Variants in LYPD5 observed in about 807,000 individuals in gnomAD.
LYPD5 encodes ly6/PLAUR domain-containing protein 5.
In LYPD5, 21 loss-of-function variants were observed where a neutral mutation model predicts 19.1. The observed-to-expected ratio is 1.10, with a 90% CI of 0.78 to 1.58. The LOEUF (loss-of-function observed/expected upper bound fraction) is 1.58. Among genes scored for constraint, LYPD5 ranks in the 40% most tolerant of loss-of-function variants. LYPD5 has a pLI of 0.00. For missense variants in LYPD5, 287 were observed against 329.8 expected (o/e 0.87, Z 1.00); for synonymous variants, 128 against 142.7 (o/e 0.90, Z 0.74).
upstream of LYPD5, among the ~76,000 whole-genome samples, chr19:43,806,080 G>A (rs10416708): frequency 0.035 from 5,264 of 152,090 alleles, 278 homozygotes; most frequent in African/African-American, 0.12. Context: ...CCCAACCCCC[G>A]GGGCCTGGTA....
intron 1 of LYPD5, among the ~76,000 whole-genome samples, chr19:43,815,407 C>G (rs1264316434): frequency 6.6e-6 from 1 of 151,362 alleles, no homozygotes; most frequent in Admixed American, 6.6e-5. Context: ...GACCCCGTCT[C>G]CACAAAAAAT....
chr19:43,804,391 CATT>C (rs879710284), upstream of LYPD5, among the ~76,000 whole-genome samples: 34,434 of 151,298 alleles, frequency 0.23, 4,485 homozygotes, highest in East Asian at 0.47. Flanking sequence ...GGACACATCC[CATT>C]GACAGAATAA....
intron 1 of LYPD5, among the ~76,000 whole-genome samples, chr19:43,819,686 G>T (rs1041016006): frequency 6.6e-6 from 1 of 152,104 alleles, no homozygotes; most frequent in Non-Finnish European, 1.5e-5. Context: ...AGTTTGAGGG[G>T]AGGTACACAG....
At chr19:43,803,822 C>A (rs935564257), upstream of LYPD5, among the ~76,000 whole-genome samples, 1 of 152,096 alleles carries the variant, frequency 6.6e-6, no homozygotes, top group African/African-American at 2.4e-5. Context: ...AATTCTTTCT[C>A]TGCTCCCCCC....
chr19:43,804,455 A>G (rs767325313), upstream of LYPD5, among the ~76,000 whole-genome samples: 35 of 151,946 alleles, frequency 2.3e-4, no homozygotes, highest in Non-Finnish European at 4.7e-4. Context: ...TTGTCCTCCA[A>G]TATTTTTCCA....
intron 1 of LYPD5, among the ~76,000 whole-genome samples, chr19:43,800,229 T>C (rs1970205061): frequency 6.6e-6 from 1 of 152,086 alleles, no homozygotes; most frequent in African/African-American, 2.4e-5. Context: ...CCAGGACAGG[T>C]AGAGTGAAGT....
At position 43,798,567 on chromosome 19, in the gene LYPD5, G is replaced by C. The variant is rs757851608; in HGVS notation, c.405C>G (p.Cys135Trp). The change falls in exon 4 of 5, where the codon TGC (cysteine) becomes TGG (tryptophan). Residue 135 changes from cysteine to tryptophan, a missense_variant. By Grantham distance (215) the Cys-to-Trp change is radical (BLOSUM62 -2). Coordinates refer to ENST00000377950, the MANE Select transcript of LYPD5 (RefSeq NM_001031749.3). The part of the protein sequence containing the change: ...PDPPTLSGAE[C>W]YACIGVHQDD... Reference sequence around the variant, plus strand: ...CCTGGTGGACCCCGATACAGGCGTAGCACTCGGCGCCGCTGAGCGTCGGCG... The same window carrying C: ...CCTGGTGGACCCCGATACAGGCGTACCACTCGGCGCCGCTGAGCGTCGGCG... 1 of 1,611,386 alleles carries C rather than the reference G, an allele frequency of 6.2e-7. No homozygotes were observed. The highest frequency in any genetic ancestry group is 8.5e-7 in the Non-Finnish European group (1 of 1,180,042).
intron 1 of LYPD5, among the ~76,000 whole-genome samples, chr19:43,809,457 T>G (rs1970300783): frequency 6.6e-6 from 1 of 152,158 alleles, no homozygotes; most frequent in South Asian, 2.1e-4. Flanking sequence ...CTTGGCTCAC[T>G]GCAACCTTCG....
At chr19:43,798,682 C>A in intron 3 of LYPD5, 81 bp from the exon 4 acceptor site, 2 of 1,590,356 alleles carry the variant, frequency 1.3e-6, no homozygotes, top group Non-Finnish European at 1.7e-6. Flanking sequence ...CCAGAGCCCG[C>A]GCCTAGCACG....
chr19:43,799,798 G>A lies in LYPD5; in HGVS notation c.101C>T (p.Thr34Ile). The change falls in exon 2 of 5, where the codon ACC (threonine) becomes ATC (isoleucine). Residue 34 changes from threonine to isoleucine, a missense_variant. Coordinates refer to ENST00000377950, the MANE Select transcript of LYPD5 (RefSeq NM_001031749.3). Reference sequence around the variant, plus strand: ...CCTGAGGTCAAAGGGGCCAAAGTAGGTGTGCTCAAAGCTGTAGCACTGCAG... The same window carrying A: ...CCTGAGGTCAAAGGGGCCAAAGTAGATGTGCTCAAAGCTGTAGCACTGCAG... Reference protein sequence around the residue: ...QALQCYSFEHTYFGPFDLRAM... With the variant: ...QALQCYSFEHIYFGPFDLRAM... The A allele has an allele frequency of 6.2e-7, 1 of 1,613,740 alleles. No individual in the cohort carries two copies. Among genetic ancestry groups the A allele is most frequent in the Non-Finnish European group, 8.5e-7 (1 of 1,179,862 alleles).
chr19:43,798,750 T>C, intron 3 of LYPD5, 62 bp downstream of exon 3: 1 of 1,570,790 alleles, frequency 6.4e-7, no homozygotes, highest in Non-Finnish European at 8.6e-7. Context: ...GGCCACGCCT[T>C]CCCCGAGGCT....
chr19:43,798,330 G>T, intron 4 of LYPD5, 125 bp downstream of exon 4: 1 of 1,235,794 alleles, frequency 8.1e-7, no homozygotes, highest in Non-Finnish European at 1.1e-6. Flanking sequence ...CTCAGACCAG[G>T]GTCATGCCTC....
chr19:43,803,612 T>TGA (rs1555728528), upstream of LYPD5, among the ~76,000 whole-genome samples: 1 of 152,024 alleles, frequency 6.6e-6, no homozygotes, highest in Non-Finnish European at 1.5e-5. Context: ...GGTTTCTTCC[T>TGA]CTCGGCCCTG....
chr19:43,809,086 C>G (rs937334955), intron 1 of LYPD5, among the ~76,000 whole-genome samples: 1 of 152,208 alleles, frequency 6.6e-6, no homozygotes, highest in Non-Finnish European at 1.5e-5. Flanking sequence ...GTCACCCAGG[C>G]TGGAGTGCAA....
intron 1 of LYPD5, among the ~76,000 whole-genome samples, chr19:43,809,121 C>A (rs1008064117): frequency 2.0e-5 from 3 of 151,942 alleles, no homozygotes; most frequent in Non-Finnish European, 2.9e-5. Context: ...CTCACTGCAA[C>A]CTCCACCTCC....
Position 43,798,544 on chromosome 19 carries a change from T to C in LYPD5, c.428A>G (p.Gln143Arg), listed in dbSNP as rs1368893620. Residue 143 changes from glutamine to arginine, a missense_variant, in exon 4 of 5, where the codon CAG (glutamine) becomes CGG (arginine). Coordinates refer to ENST00000377950, the MANE Select transcript of LYPD5 (RefSeq NM_001031749.3). ...GGACCTGCCGATAGCGCAGTCATCCTGGTGGACCCCGATACAGGCGTAGCA... is the reference window on the plus strand; with the variant it reads ...GGACCTGCCGATAGCGCAGTCATCCCGGTGGACCCCGATACAGGCGTAGCA... ...AECYACIGVH[Q>R]DDCAIGRSRR... 1 of 1,612,008 alleles carries C rather than the reference T, an allele frequency of 6.2e-7. No individual in the cohort carries two copies. Among genetic ancestry groups the C allele is most frequent in the South Asian group, 1.1e-5 (1 of 91,088 alleles).
upstream of LYPD5, among the ~76,000 whole-genome samples, chr19:43,807,253 C>T (rs1297854861): frequency 1.3e-5 from 2 of 151,150 alleles, no homozygotes; most frequent in Non-Finnish European, 2.9e-5. Flanking sequence ...GTGCCCCTCA[C>T]CTCATTTTCT....
intron 1 of LYPD5, among the ~76,000 whole-genome samples, chr19:43,819,957 CT>C (rs1449042790): frequency 1.3e-5 from 2 of 150,366 alleles, no homozygotes; most frequent in Admixed American, 1.3e-4. Context: ...CTTCTGGGTC[CT>C]AAAAACTTCA....
intron 2 of LYPD5, 21 bp from the exon 3 acceptor site, chr19:43,799,009 C>A (rs577482267): frequency 7.1e-6 from 11 of 1,543,734 alleles, no homozygotes; most frequent in African/African-American, 2.7e-5. Flanking sequence ...GATCGGGGCT[C>A]GTGCTCTGCT....
Sources: gnomAD v4.1 joint callset for allele counts (sites outside exome capture counted in the v4.1 genomes callset) on GRCh38, gnomAD v4.1.1 for gene constraint, MANE v1.5 for transcripts, NCBI Gene and HGNC (gene_info 2026-07-23, HGNC 2026-07-21) for gene names.